The following SIL1 variants were observed in gnomAD, a reference collection of about 807,000 sequenced individuals.
SIL1 encodes the protein SIL1 nucleotide exchange factor.
SIL1 carries 40 observed loss-of-function variants against 49.1 expected under a neutral mutation model. That is an observed-to-expected ratio of 0.81 (90% confidence interval 0.63 to 1.06). SIL1 has a LOEUF of 1.06. Among genes scored for constraint, SIL1 ranks in the 50% least tolerant of loss-of-function variants. SIL1 has a pLI of 0.00. For missense variants in SIL1, 500 were observed against 572.6 expected, an observed-to-expected ratio of 0.87 and a Z score of 1.29; for synonymous variants, 253 against 250.8, an observed-to-expected ratio of 1.01 and a Z score of -0.08.
chr5:139,192,761 A>G (rs1752196472), intron 1 of SIL1, among the ~76,000 whole-genome samples: 1 of 151,920 alleles, frequency 6.6e-6, no homozygotes, highest in African/African-American at 2.4e-5. Context: ...ACTTTGGGAG[A>G]CCGAGGCAGG....
At chr5:139,159,566 A>C (rs1307193339) in intron 1 of SIL1, among the ~76,000 whole-genome samples, 1 of 152,232 alleles carries the variant, frequency 6.6e-6, no homozygotes, top group East Asian at 1.9e-4. Flanking sequence ...TCTTGGGGAA[A>C]AAAAAAATCA....
At chr5:139,130,951 G>A (rs1457080176) in intron 1 of SIL1, among the ~76,000 whole-genome samples, 3 of 152,258 alleles carry the variant, frequency 2.0e-5, no homozygotes, top group East Asian at 1.9e-4. Flanking sequence ...TAGAAAAGCA[G>A]TTACCGGGTT....
intron 3 of SIL1, among the ~76,000 whole-genome samples, chr5:139,071,913 C>A (rs1358133886): frequency 6.6e-6 from 1 of 152,090 alleles, no homozygotes; most frequent in Admixed American, 6.5e-5. Context: ...GGTCCCCCCG[C>A]CTCAGCCTCC....
chr5:139,134,083 C>T (rs936905845), intron 1 of SIL1, among the ~76,000 whole-genome samples: 2 of 152,152 alleles, frequency 1.3e-5, no homozygotes, highest in East Asian at 1.9e-4. Flanking sequence ...GGGTACAGCA[C>T]CTAGCATCTA....
chr5:139,019,726 T>C (rs1315609830), intron 7 of SIL1, among the ~76,000 whole-genome samples: 1 of 152,170 alleles, frequency 6.6e-6, no homozygotes, highest in Non-Finnish European at 1.5e-5. Flanking sequence ...GCTACACAGT[T>C]TCCCCCAAGT....
At chr5:139,044,519 CTGG>C (rs762816384) in intron 4 of SIL1, among the ~76,000 whole-genome samples, 24 of 152,318 alleles carry the variant, frequency 1.6e-4, no homozygotes, top group Non-Finnish European at 3.1e-4. Context: ...AAACAGTCAT[CTGG>C]TGTTCTTACT....
intron 3 of SIL1, among the ~76,000 whole-genome samples, chr5:139,056,996 T>C (rs913482004): frequency 6.6e-6 from 1 of 152,152 alleles, no homozygotes; most frequent in Admixed American, 6.5e-5. Flanking sequence ...TGCCTTGGGA[T>C]CCTGTTGATG....
chr5:139,018,113 C>T (rs1768439496), intron 7 of SIL1, among the ~76,000 whole-genome samples: 1 of 152,144 alleles, frequency 6.6e-6, no homozygotes, highest in African/African-American at 2.4e-5. Flanking sequence ...AACTTTATTT[C>T]AGTGGTCATG....
At chr5:139,059,281 T>G (rs1258554426) in intron 3 of SIL1, among the ~76,000 whole-genome samples, 1 of 152,012 alleles carries the variant, frequency 6.6e-6, no homozygotes, top group East Asian at 1.9e-4. Context: ...ATCTGATGGT[T>G]TTATAAAGGG....
rs76456464 is a variant in SIL1, at chr5:139,038,816, G to A, written c.453+3804C>T. 1.4e-3 allele frequency among the ~76,000 whole-genome samples: 219 copies of A among 152,296 alleles called. 2 individuals carry two copies. The highest frequency in any genetic ancestry group is 0.012 in the East Asian group (61 of 5,172). On this transcript the variant is annotated intron_variant, in intron 5 of 9. Coordinates refer to ENST00000394817, the MANE Select transcript of SIL1 (RefSeq NM_022464.5). ...ACTTCTCACTTATTCCACTGGCCCC[G>A]CCCCAGAGAGGGAAGCAGAATGCTG...
At chr5:139,057,803 G>A (rs1769488777) in intron 3 of SIL1, among the ~76,000 whole-genome samples, 1 of 152,176 alleles carries the variant, frequency 6.6e-6, no homozygotes, top group African/African-American at 2.4e-5. Flanking sequence ...CTGGAGACTG[G>A]GAAGTCCAAG....
At chr5:139,053,463 A>G (rs1401580319) in intron 3 of SIL1, among the ~76,000 whole-genome samples, 1 of 152,234 alleles carries the variant, frequency 6.6e-6, no homozygotes, top group Non-Finnish European at 1.5e-5. Flanking sequence ...TTTAAAGCGA[A>G]TGATTTTTCT....
In SIL1 at chr5:138,973,930, T is replaced by G. The variant is rs114479947; in HGVS notation, c.768-22046A>C. ...TTAAAAATATATGTGCAATATAAAT[T>G]TATATATAAATCTTTACCCATTTAC... On this transcript the variant is annotated intron_variant, in intron 7 of 9. Coordinates refer to ENST00000394817, the MANE Select transcript of SIL1 (RefSeq NM_022464.5). 5.7e-3 allele frequency among the ~76,000 whole-genome samples: 867 copies of G among 152,276 alleles called. 11 individuals carry two copies. Among genetic ancestry groups the G allele is most frequent in the African/African-American group, 0.02 (829 of 41,550 alleles).
intron 4 of SIL1, among the ~76,000 whole-genome samples, chr5:139,043,528 G>A (rs1351835793): frequency 6.6e-6 from 1 of 152,222 alleles, no homozygotes; most frequent in Non-Finnish European, 1.5e-5. Context: ...AGGAGAGGCA[G>A]GAGGTATGTC....
chr5:138,968,403 T>C (rs1434577442), intron 7 of SIL1, among the ~76,000 whole-genome samples: 1 of 152,140 alleles, frequency 6.6e-6, no homozygotes, highest in Non-Finnish European at 1.5e-5. Context: ...CCCCGATGAA[T>C]TTCTCAACTC....
chr5:139,092,601 C>G (rs980828287), intron 3 of SIL1, among the ~76,000 whole-genome samples: 1 of 152,134 alleles, frequency 6.6e-6, no homozygotes, highest in African/African-American at 2.4e-5. Context: ...TCAGAGAACA[C>G]CACAGGTATG....
intron 1 of SIL1, among the ~76,000 whole-genome samples, chr5:139,196,695 A>T (rs539420376): frequency 6.6e-6 from 1 of 152,358 alleles, no homozygotes; most frequent in African/African-American, 2.4e-5. Context: ...ATTCATGAGC[A>T]GATTAAATTC....
chr5:139,088,011 T>A (rs1357481595), intron 3 of SIL1, among the ~76,000 whole-genome samples: 3 of 151,794 alleles, frequency 2.0e-5, no homozygotes, highest in African/African-American at 7.3e-5. Context: ...TGTAGGTACC[T>A]CCCTGGCCCA....
chr5:139,121,241 C>A (rs1297391098), intron 2 of SIL1, 68 bp from the exon 3 acceptor site: 2 of 1,607,984 alleles, frequency 1.2e-6, no homozygotes, highest in African/African-American at 2.7e-5. Context: ...AAAAAATGGC[C>A]TAGGGTGGCA....
Sources: allele counts gnomAD v4.1 joint callset (sites outside exome capture counted in the v4.1 genomes callset), GRCh38; gene constraint gnomAD v4.1.1; transcripts MANE v1.5; gene names NCBI Gene and HGNC (gene_info 2026-07-23, HGNC 2026-07-21).